SRBD1: variants seen among roughly 807,000 people sequenced by gnomAD.
SRBD1 encodes S1 RNA-binding domain-containing protein 1.
A neutral mutation model predicts 115.3 loss-of-function variants in SRBD1; 88 were observed. The ratio of observed to expected loss-of-function variants is 0.76; its 90% CI spans 0.64 to 0.91. The LOEUF (loss-of-function observed/expected upper bound fraction) is 0.91, where lower values mean the gene tolerates loss of function less well. Ranked by LOEUF, SRBD1 falls within the 40% of genes least tolerant of loss-of-function variation. SRBD1 has a pLI of 0.00. For missense variants in SRBD1, 1,385 were observed against 1,177.4 expected (o/e 1.18, Z -2.58); for synonymous variants, 509 against 407.7 (o/e 1.25, Z -2.99).
In SRBD1 at chr2:45,403,871, C is replaced by A. The variant is rs13420771; in HGVS notation, c.2513+9243G>T. On this transcript the variant is annotated intron_variant, in intron 19 of 20. Coordinates refer to ENST00000263736, the MANE Select transcript of SRBD1 (RefSeq NM_018079.5). ...TGATCTCTAAGATCAGTTCAGTGTT[C>A]CCCATATTCTTTGTACTCTTATTTT... is the stretch of plus-strand genomic sequence containing the variant. 7.6e-3 allele frequency among the ~76,000 whole-genome samples: 1,153 copies of A among 152,156 alleles called. 12 individuals carry two copies. Among genetic ancestry groups the A allele is most frequent in the African/African-American group, 0.026 (1,062 of 41,522 alleles).
chr2:45,572,349 A>G (rs527532617), intron 9 of SRBD1, among the ~76,000 whole-genome samples: 2 of 152,174 alleles, frequency 1.3e-5, no homozygotes, highest in Non-Finnish European at 2.9e-5. Context: ...TGATAAAAAA[A>G]TTGCTGGAGA....
rs377442803 is a variant in SRBD1, at chr2:45,557,998, A to G, written c.1410-4268T>C. 3.9e-5 allele frequency among the ~76,000 whole-genome samples: 6 copies of G among 152,218 alleles called. No homozygotes were observed. The East Asian group carries it at 7.7e-4, about 20-fold the overall frequency. On this transcript the variant is annotated intron_variant, in intron 10 of 20. Transcript: ENST00000263736. The stretch of plus-strand genomic sequence containing the variant: ...CTTTGGCAAAGAAATATGCTCTCCC[A>G]ACTTCATATATATAAGATAAAGACA...
intron 14 of SRBD1, among the ~76,000 whole-genome samples, chr2:45,502,913 G>A (rs1670680626): frequency 2.6e-5 from 4 of 152,052 alleles, no homozygotes; most frequent in South Asian, 4.2e-4. Flanking sequence ...CCAAACTCCA[G>A]GGCTCAAGCA....
At chr2:45,578,538 C>T (rs1673247062) in intron 7 of SRBD1, among the ~76,000 whole-genome samples, 1 of 152,100 alleles carries the variant, frequency 6.6e-6, no homozygotes, top group Non-Finnish European at 1.5e-5. Context: ...ATCACAAATT[C>T]ACATTTGCTG....
At chr2:45,405,975 A>G (rs1667425261) in intron 19 of SRBD1, among the ~76,000 whole-genome samples, 1 of 152,182 alleles carries the variant, frequency 6.6e-6, no homozygotes, top group Non-Finnish European at 1.5e-5. Context: ...AGGAATAGGG[A>G]GACCCCAGCA....
intron 4 of SRBD1, among the ~76,000 whole-genome samples, chr2:45,586,266 A>G (rs1673518487): frequency 1.3e-5 from 2 of 152,320 alleles, no homozygotes; most frequent in Middle Eastern, 3.4e-3. Flanking sequence ...ATTATTTATA[A>G]TAATTTTTTT....
chr2:45,452,749 G>A (rs1012341396), intron 16 of SRBD1, among the ~76,000 whole-genome samples: 3 of 151,912 alleles, frequency 2.0e-5, no homozygotes, highest in African/African-American at 4.8e-5. Flanking sequence ...TGTTCAAACA[G>A]CTGTATGGGG....
intron 14 of SRBD1, among the ~76,000 whole-genome samples, chr2:45,496,786 A>G (rs1430269718): frequency 6.6e-6 from 1 of 152,150 alleles, no homozygotes; most frequent in African/African-American, 2.4e-5. Context: ...CTATCCAGTC[A>G]AAGGAGACCC....
intron 12 of SRBD1, among the ~76,000 whole-genome samples, chr2:45,548,359 T>C (rs562088036): frequency 5.3e-4 from 81 of 151,932 alleles, no homozygotes; most frequent in African/African-American, 1.8e-3. Context: ...GGATAGAAGA[T>C]ACAAATACAG....
At chr2:45,470,319 A>T (rs1669607944) in intron 16 of SRBD1, among the ~76,000 whole-genome samples, 1 of 152,144 alleles carries the variant, frequency 6.6e-6, no homozygotes, top group African/African-American at 2.4e-5. Flanking sequence ...TACTGTGAAA[A>T]ATTTCCGCTG....
chr2:45,449,845 A>T (rs1229671273), intron 16 of SRBD1, among the ~76,000 whole-genome samples: 1 of 152,170 alleles, frequency 6.6e-6, no homozygotes, highest in Non-Finnish European at 1.5e-5. Context: ...AACTACTTCA[A>T]TTCAACTTCA....
At chr2:45,517,513 T>A (rs1671156618) in intron 14 of SRBD1, among the ~76,000 whole-genome samples, 1 of 152,186 alleles carries the variant, frequency 6.6e-6, no homozygotes, top group Admixed American at 6.5e-5. Context: ...ATGTGACAAG[T>A]TCTGACCAAG....
At chr2:45,501,323 T>C in intron 14 of SRBD1, among the ~76,000 whole-genome samples, 1 of 152,006 alleles carries the variant, frequency 6.6e-6, no homozygotes, top group East Asian at 1.9e-4. Flanking sequence ...GGAGGGGAGG[T>C]GGTTCCAAGA....
At chr2:45,392,812 CTTTA>C (rs1479249588) in intron 20 of SRBD1, 129 bp downstream of exon 20, 1 of 919,460 alleles carries the variant, frequency 1.1e-6, no homozygotes, top group Non-Finnish European at 1.6e-6. Flanking sequence ...GATCACCATG[CTTTA>C]TTTTTCTCAT....
chr2:45,493,487 T>A (rs1301676036), intron 14 of SRBD1, among the ~76,000 whole-genome samples: 2 of 152,120 alleles, frequency 1.3e-5, no homozygotes, highest in Non-Finnish European at 2.9e-5. Context: ...TTTCAAGGAT[T>A]CTCAAATGAG....
At chr2:45,465,410 G>GTATA (rs1334469230) in intron 16 of SRBD1, among the ~76,000 whole-genome samples, 3 of 151,918 alleles carry the variant, frequency 2.0e-5, no homozygotes, top group African/African-American at 7.3e-5. Flanking sequence ...ACATATATGT[G>GTATA]TGTATATATA....
At chr2:45,406,092 T>C (rs1002321644) in intron 19 of SRBD1, among the ~76,000 whole-genome samples, 3 of 152,100 alleles carry the variant, frequency 2.0e-5, no homozygotes, top group South Asian at 4.1e-4. Flanking sequence ...ACCTTATTCA[T>C]TCGGCTGCCA....
At chr2:45,505,801 C>G (rs185753047) in intron 14 of SRBD1, among the ~76,000 whole-genome samples, 1 of 149,456 alleles carries the variant, frequency 6.7e-6, no homozygotes, top group Non-Finnish European at 1.5e-5. Flanking sequence ...ATAATCAGAC[C>G]AAAATAATCT....
intron 15 of SRBD1, among the ~76,000 whole-genome samples, chr2:45,482,168 T>G (rs1333030200): frequency 6.6e-6 from 1 of 152,142 alleles, no homozygotes; most frequent in African/African-American, 2.4e-5. Flanking sequence ...TCCAAATGTA[T>G]GCCAAATACT....
Sources: allele counts gnomAD v4.1 joint callset (sites outside exome capture counted in the v4.1 genomes callset), GRCh38; gene constraint gnomAD v4.1.1; transcripts MANE v1.5; gene names NCBI Gene and HGNC (gene_info 2026-07-23, HGNC 2026-07-21).